Variants in PIH1D2 observed in about 807,000 individuals in gnomAD.
The protein encoded by PIH1D2 is PIH1 domain containing 2, also known as PIH1 domain-containing protein 2.
In PIH1D2, 25 loss-of-function variants were observed where a neutral mutation model predicts 31.2. The observed-to-expected ratio is 0.80, with a 90% confidence interval of 0.58 to 1.12. PIH1D2 has a LOEUF of 1.12. Ranked by LOEUF, PIH1D2 falls within the 50% of genes most tolerant of loss-of-function variation. The pLI is 0.00. For missense variants in PIH1D2, 310 were observed against 356.6 expected, an observed-to-expected ratio of 0.87 and a Z score of 1.05; for synonymous variants, 116 against 119.9, an observed-to-expected ratio of 0.97 and a Z score of 0.21.
chr11:112,058,317 GTAAT>G (rs1555182799), downstream of PIH1D2, among the ~76,000 whole-genome samples: 3 of 152,152 alleles, frequency 2.0e-5, no homozygotes, highest in Non-Finnish European at 4.4e-5. Context: ...CAGTTCTGTG[GTAAT>G]TAATGAGTCA....
intron 4 of PIH1D2, 52 bp from the exon 5 acceptor site, chr11:112,070,753 A>T (rs1865084898): frequency 6.4e-7 from 1 of 1,556,126 alleles, no homozygotes; most frequent in South Asian, 1.2e-5. Flanking sequence ...TACAACATAA[A>T]ATACTATGAG....
chr11:112,071,274 G>A lies in PIH1D2; in HGVS notation c.311C>T (p.Thr104Ile). ...EDTTEISDAY[T>I]VIDVAYNPDV... ...AGGATTGTAGGCAACATCAATGACTGTGTAAGCATCTGTGTGTGTAATTGA... is the reference window on the plus strand; with the variant it reads ...AGGATTGTAGGCAACATCAATGACTATGTAAGCATCTGTGTGTGTAATTGA... The change falls in exon 4 of 6, where the codon ACA becomes ATA. Residue 104 changes from threonine (T) to isoleucine (I), a missense_variant. Coordinates refer to ENST00000280350, the MANE Select transcript of PIH1D2 (RefSeq NM_138789.4). The A allele has an allele frequency of 6.2e-7, 1 of 1,611,716 alleles. No individual in the cohort carries two copies. Among genetic ancestry groups the A allele is most frequent in the Admixed American group, 1.7e-5 (1 of 59,790 alleles).
downstream of PIH1D2, among the ~76,000 whole-genome samples, chr11:112,059,271 C>G (rs587645359): frequency 9.9e-5 from 15 of 152,088 alleles, no homozygotes; most frequent in Middle Eastern, 3.4e-3. Flanking sequence ...CAGCTGCATT[C>G]ACGTGTCGGT....
chr11:112,070,465 C>G lies in PIH1D2; in HGVS notation c.784G>C (p.Val262Leu). 6.2e-7 allele frequency: 1 copy of G among 1,614,038 alleles called. No homozygotes were observed. ...LKVELPGINS[V>L]SLCDLSVSED... Reference sequence around the variant, plus strand: ...GAAACACTAAGGTCACAGAGAGAGACAGAATTAATACCAGGTAATTCAACT... The same window carrying G: ...GAAACACTAAGGTCACAGAGAGAGAGAGAATTAATACCAGGTAATTCAACT... The change falls in exon 5 of 6, where the codon GTC (valine) becomes CTC (leucine). Residue 262 changes from valine (V) to leucine (L), a missense_variant. Val to Leu is a conservative substitution (Grantham distance 32). Transcript: ENST00000280350.
downstream of PIH1D2, among the ~76,000 whole-genome samples, chr11:112,067,141 T>C (rs1555183924): frequency 6.6e-6 from 1 of 152,220 alleles, no homozygotes; most frequent in African/African-American, 2.4e-5. Flanking sequence ...CTCACTGATA[T>C]GGCCCATCCT....
chr11:112,057,454 A>G, the PIH1D2 span, among the ~76,000 whole-genome samples: 10 of 152,246 alleles, frequency 6.6e-5, no homozygotes, highest in Non-Finnish European at 1.3e-4. Flanking sequence ...ACAAAGAAAA[A>G]GCTCTTGAAA....
chr11:112,055,992 C>T, the PIH1D2 span, among the ~76,000 whole-genome samples: 3 of 149,966 alleles, frequency 2.0e-5, no homozygotes, highest in South Asian at 2.1e-4. Flanking sequence ...CTCAGCCTCC[C>T]GAGTAGCTGG....
chr11:112,072,891 A>G (rs782007576), intron 2 of PIH1D2, 107 bp downstream of exon 2: 1 of 1,190,518 alleles, frequency 8.4e-7, no homozygotes, highest in Admixed American at 2.9e-5. Flanking sequence ...AAACAAAACA[A>G]AAAAAAAACA....
chr11:112,070,775 G>T, intron 4 of PIH1D2, 74 bp from the exon 5 acceptor site: 1 of 1,468,736 alleles, frequency 6.8e-7, no homozygotes, highest in South Asian at 1.3e-5. Flanking sequence ...TATAATATAT[G>T]TGGTGTTAGT....
downstream of PIH1D2, chr11:112,064,148 T>C: frequency 6.5e-7 from 1 of 1,548,510 alleles, no homozygotes; most frequent in Non-Finnish European, 8.7e-7. Context: ...ATCAATATGA[T>C]CCAAATCTGG....
chr11:112,064,413 CTG>C (rs1555183644), downstream of PIH1D2: 1 of 538,308 alleles, frequency 1.9e-6, no homozygotes, highest in Non-Finnish European at 3.2e-6. Flanking sequence ...AATTTTTGGT[CTG>C]TTGGTAATTA....
At chr11:112,071,596 T>C in intron 3 of PIH1D2, 39 bp downstream of exon 3, 1 of 1,594,394 alleles carries the variant, frequency 6.3e-7, no homozygotes, top group Non-Finnish European at 8.6e-7. Context: ...CCATTCCTAA[T>C]AAAATTTTTA....
chr11:112,056,572 A>G, the PIH1D2 span, among the ~76,000 whole-genome samples: 1 of 152,158 alleles, frequency 6.6e-6, no homozygotes, highest in Admixed American at 6.5e-5. Flanking sequence ...ATACCTCTTT[A>G]TCATTCACCA....
At chr11:112,058,953 A>T (rs1312486161), downstream of PIH1D2, among the ~76,000 whole-genome samples, 1 of 151,946 alleles carries the variant, frequency 6.6e-6, no homozygotes, top group Non-Finnish European at 1.5e-5. Flanking sequence ...GAGTATTTTC[A>T]GTGTTAAAAA....
downstream of PIH1D2, among the ~76,000 whole-genome samples, chr11:112,060,540 C>T (rs1555183109): frequency 6.6e-6 from 1 of 152,050 alleles, no homozygotes; most frequent in African/African-American, 2.4e-5. Context: ...CTGCAACCTC[C>T]GCCTCCCAGG....
the PIH1D2 span, among the ~76,000 whole-genome samples, chr11:112,055,230 G>A: frequency 6.8e-6 from 1 of 146,682 alleles, no homozygotes; most frequent in Non-Finnish European, 1.5e-5. Flanking sequence ...ATTCAGTCAA[G>A]GCCTATTTTT....
chr11:112,061,296 A>G, downstream of PIH1D2: 1 of 986,530 alleles, frequency 1.0e-6, no homozygotes, highest in Admixed American at 1.8e-5. Flanking sequence ...CACAATGCTC[A>G]AGTCCCTGAT....
At chr11:112,060,362 A>G (rs1276936430), downstream of PIH1D2, among the ~76,000 whole-genome samples, 1 of 151,388 alleles carries the variant, frequency 6.6e-6, no homozygotes, top group Non-Finnish European at 1.5e-5. Context: ...GGTTTTCACC[A>G]TGTTGGCCAG....
chr11:112,060,953 C>T (rs931357161), downstream of PIH1D2: 21 of 1,260,552 alleles, frequency 1.7e-5, no homozygotes, highest in African/African-American at 3.0e-4. Flanking sequence ...ACCTTTTTAG[C>T]TTAAGGTCTT....
Sources: gnomAD v4.1 joint callset for allele counts (sites outside exome capture counted in the v4.1 genomes callset) on GRCh38, gnomAD v4.1.1 for gene constraint, MANE v1.5 for transcripts, NCBI Gene and HGNC (gene_info 2026-07-23, HGNC 2026-07-21) for gene names.